Variants in BTBD9 observed in about 807,000 individuals in gnomAD.
BTBD9 encodes BTB domain containing 9.
In BTBD9, 49 loss-of-function variants were observed where a neutral mutation model predicts 64.3. The ratio of observed to expected loss-of-function variants is 0.76; its 90% CI spans 0.61 to 0.97. BTBD9 has a LOEUF of 0.97. BTBD9 is among the 50% of genes least tolerant of loss of function. BTBD9 has a pLI of 0.00. For synonymous variants in BTBD9, 260 were observed against 274.7 expected, an observed-to-expected ratio of 0.95 and a Z score of 0.53; for missense variants, 598 against 762.1, an observed-to-expected ratio of 0.78 and a Z score of 2.53.
chr6:38,345,447 G>A (rs1764242098), intron 6 of BTBD9, among the ~76,000 whole-genome samples: 1 of 152,220 alleles, frequency 6.6e-6, no homozygotes, highest in African/African-American at 2.4e-5. Flanking sequence ...TTCTGCTCTT[G>A]CCTTGTGGTT....
intron 7 of BTBD9, among the ~76,000 whole-genome samples, chr6:38,328,563 CCG>C (rs1562030608): frequency 1.0e-5 from 1 of 95,804 alleles, no homozygotes; most frequent in Non-Finnish European, 1.9e-5. Flanking sequence ...ATTTAAGCCA[CCG>C]TGTGTGTGTG....
rs1024322131 is a variant in BTBD9 at position 38,412,927 on chromosome 6, T to C, written c.1155-67834A>G. On this transcript the variant is annotated intron_variant, in intron 6 of 10. Coordinates refer to ENST00000481247, the MANE Select transcript of BTBD9 (RefSeq NM_001099272.2). The stretch of plus-strand genomic sequence containing the variant: ...TGTAAACTGCCTTAGAAATTCCCAG[T>C]CTAGCCCACTGTGTATAGTTGTATA... Among the ~76,000 whole-genome samples, 7 of 152,138 alleles carry C rather than the reference T, an allele frequency of 4.6e-5. 1 individual carries two copies. Among genetic ancestry groups the C allele is most frequent in the Non-Finnish European group, 1.0e-4 (7 of 68,024 alleles).
intron 7 of BTBD9, among the ~76,000 whole-genome samples, chr6:38,296,385 G>C (rs1762159212): frequency 6.6e-6 from 1 of 151,658 alleles, no homozygotes; most frequent in African/African-American, 2.4e-5. Flanking sequence ...TATTTTATTA[G>C]TGCTCTTAAA....
At chr6:38,182,654 G>A (rs1285375157) in intron 10 of BTBD9, among the ~76,000 whole-genome samples, 1 of 152,130 alleles carries the variant, frequency 6.6e-6, no homozygotes. Context: ...GTCTCAAAGG[G>A]CTCCAGCTGC....
chr6:38,314,942 C>T (rs61097716), intron 7 of BTBD9, among the ~76,000 whole-genome samples: 2,409 of 152,254 alleles, frequency 0.016, 66 homozygotes, highest in African/African-American at 0.054. Context: ...CTCCACCTCC[C>T]GGGTTCACGC....
chr6:38,359,964 A>G (rs1764885344), intron 6 of BTBD9, among the ~76,000 whole-genome samples: 1 of 152,202 alleles, frequency 6.6e-6, no homozygotes, highest in South Asian at 2.1e-4. Context: ...AGTACTAGTT[A>G]AACTATACAA....
chr6:38,520,585 C>T (rs1773231825), intron 6 of BTBD9, among the ~76,000 whole-genome samples: 1 of 152,060 alleles, frequency 6.6e-6, no homozygotes, highest in South Asian at 2.1e-4. Flanking sequence ...CCATATATTA[C>T]TTGTAGAATA....
chr6:38,316,293 A>G (rs1763027232), intron 7 of BTBD9, among the ~76,000 whole-genome samples: 1 of 152,112 alleles, frequency 6.6e-6, no homozygotes, highest in African/African-American at 2.4e-5. Context: ...AGTTTAGTCC[A>G]TTTATATTCA....
intron 9 of BTBD9, among the ~76,000 whole-genome samples, chr6:38,255,219 A>G (rs1295309689): frequency 6.6e-6 from 1 of 152,224 alleles, no homozygotes; most frequent in African/African-American, 2.4e-5. Context: ...AAATCCATAA[A>G]GAAAAGACAG....
At chr6:38,187,969 C>T (rs777697919) in intron 10 of BTBD9, among the ~76,000 whole-genome samples, 7 of 152,266 alleles carry the variant, frequency 4.6e-5, no homozygotes, top group African/African-American at 9.6e-5. Flanking sequence ...GAGAGCTGGA[C>T]GGATCGGAGG....
At chr6:38,400,119 A>ACCT (rs1388140804) in intron 6 of BTBD9, among the ~76,000 whole-genome samples, 1 of 151,636 alleles carries the variant, frequency 6.6e-6, no homozygotes, top group Non-Finnish European at 1.5e-5. Context: ...TCCAAGGCAT[A>ACCT]CCTCTGTACC....
At position 38,548,169 on chromosome 6, in the gene BTBD9, A is replaced by G. The variant is rs188976764; in HGVS notation, c.1154+29431T>C. Reference sequence around the variant, plus strand: ...TATAAGTATACTATTCTCTAGAAACACATCAAAAACATTTATATGTTATAT... The same window carrying G: ...TATAAGTATACTATTCTCTAGAAACGCATCAAAAACATTTATATGTTATAT... On this transcript the variant is annotated intron_variant, in intron 6 of 10. Transcript: ENST00000481247. Among the ~76,000 whole-genome samples, 200 of 152,350 alleles carry G rather than the reference A, an allele frequency of 1.3e-3. 1 individual carries two copies. Among genetic ancestry groups the G allele is most frequent in the Admixed American group, 5.0e-3 (77 of 15,296 alleles).
rs532135012 is a variant in BTBD9 at position 38,330,572 on chromosome 6, A to AT, written c.1264+14411dup. ...TTAGAGACGCCATCTCTAAAAAAAAATTTTTTTTAATGAAACTTGACAAGC... is the reference window on the plus strand; with the variant it reads ...TTAGAGACGCCATCTCTAAAAAAAAATTTTTTTTTAATGAAACTTGACAAGC... On this transcript the variant is annotated intron_variant, in intron 7 of 10. Coordinates refer to ENST00000481247, the MANE Select transcript of BTBD9 (RefSeq NM_001099272.2). 7.4e-3 allele frequency among the ~76,000 whole-genome samples: 1,132 copies of AT among 152,066 alleles called. 16 individuals are homozygous for AT. The highest frequency in any genetic ancestry group is 0.026 in the African/African-American group (1,061 of 41,480).
At chr6:38,233,511 G>A (rs897531663) in intron 9 of BTBD9, among the ~76,000 whole-genome samples, 7 of 152,174 alleles carry the variant, frequency 4.6e-5, no homozygotes, top group African/African-American at 1.4e-4. Flanking sequence ...ACTGCATCCA[G>A]CACACAAGGC....
intron 1 of BTBD9, among the ~76,000 whole-genome samples, chr6:38,634,561 A>G (rs912510494): frequency 1.1e-4 from 16 of 150,086 alleles, no homozygotes; most frequent in African/African-American, 3.9e-4. Context: ...TGCAAACTGG[A>G]TTGTTCCTTT....
intron 6 of BTBD9, among the ~76,000 whole-genome samples, chr6:38,525,485 T>C (rs1373104263): frequency 6.6e-6 from 1 of 152,158 alleles, no homozygotes; most frequent in Non-Finnish European, 1.5e-5. Context: ...ACAGAGAATG[T>C]GGAAGCCACT....
intron 1 of BTBD9, among the ~76,000 whole-genome samples, chr6:38,630,943 A>C (rs887693499): frequency 1.3e-5 from 2 of 152,230 alleles, no homozygotes; most frequent in South Asian, 4.1e-4. Flanking sequence ...GGAAATTGAA[A>C]CACGTGCCTT....
At chr6:38,559,061 T>G (rs1038019291) in intron 6 of BTBD9, among the ~76,000 whole-genome samples, 2 of 152,168 alleles carry the variant, frequency 1.3e-5, no homozygotes, top group Non-Finnish European at 2.9e-5. Context: ...TTGTTTTGGT[T>G]GCTAAGTTTA....
chr6:38,623,164 A>C (rs539245518), intron 1 of BTBD9, among the ~76,000 whole-genome samples: 2 of 152,230 alleles, frequency 1.3e-5, no homozygotes, highest in African/African-American at 4.8e-5. Context: ...GCTAAGACAT[A>C]TTCTTCTTAT....
Sources: allele counts gnomAD v4.1 joint callset (sites outside exome capture counted in the v4.1 genomes callset), GRCh38; gene constraint gnomAD v4.1.1; transcripts MANE v1.5; gene names NCBI Gene and HGNC (gene_info 2026-07-23, HGNC 2026-07-21).